Variants in LTBP4 observed in about 807,000 individuals in gnomAD.
LTBP4 encodes the protein latent-transforming growth factor beta-binding protein 4.
A neutral mutation model predicts 180.2 loss-of-function variants in LTBP4; 93 were observed. The ratio of observed to expected loss-of-function variants is 0.52; its 90% CI spans 0.44 to 0.61. LTBP4 has a LOEUF of 0.61. Among genes scored for constraint, LTBP4 ranks in the 20% least tolerant of loss-of-function variants. The pLI is 0.00. For missense variants in LTBP4, 2,116 were observed against 2,256.5 expected, an observed-to-expected ratio of 0.94 and a Z score of 1.26; for synonymous variants, 947 against 934.5, an observed-to-expected ratio of 1.01 and a Z score of -0.24.
At chr19:40,610,460 A>T in intron 11 of LTBP4, 72 bp from the exon 12 acceptor site, 1 of 1,514,456 alleles carries the variant, frequency 6.6e-7, no homozygotes, top group Non-Finnish European at 8.9e-7. Context: ...GCTTCCCTCT[A>T]CCCCTGCCTC....
Position 40,627,853 on chromosome 19 carries a change from C to T in LTBP4, c.4515C>T (p.Cys1505=). 6.4e-7 allele frequency: 1 copy of T among 1,564,072 alleles called. No individual in the cohort carries two copies. ...GCCTGGACATGACCCGCATGGCCTG[C>T]GTTGGTGAGGGCGGGCCCGGGGCCA... ...GYRLDMTRMA[C]VDINECDEAE... The change falls in exon 29 of 30, where the codon TGC becomes TGT. Residue 1505 remains cysteine (C), a synonymous_variant. Transcript: ENST00000396819.
chr19:40,628,662 C>T (rs184689152), intron 29 of LTBP4, among the ~76,000 whole-genome samples: 374 of 152,140 alleles, frequency 2.5e-3, no homozygotes, highest in African/African-American at 6.3e-3. Flanking sequence ...CATAGAATTG[C>T]GAATATTATT....
At chr19:40,624,858 T>C (rs1405713451) in intron 26 of LTBP4, among the ~76,000 whole-genome samples, 1 of 152,018 alleles carries the variant, frequency 6.6e-6, no homozygotes, top group Admixed American at 6.6e-5. Context: ...TCTTTGGGGT[T>C]TTCTCTGAAT....
chr19:40,602,876 C>A (rs1223436865), intron 1 of LTBP4, among the ~76,000 whole-genome samples: 1 of 152,166 alleles, frequency 6.6e-6, no homozygotes, highest in Non-Finnish European at 1.5e-5. Context: ...CTGGGAAATA[C>A]CCTCAGACCT....
Position 40,629,674 on chromosome 19 carries a change from A to T in LTBP4, c.*124A>T. The T allele has an allele frequency of 1.9e-6, 2 of 1,051,822 alleles. No homozygotes were observed. Among genetic ancestry groups the T allele is most frequent in the Non-Finnish European group, 2.5e-6 (2 of 810,678 alleles). 65.2% of individuals were successfully genotyped at this position (1,051,822 alleles called of 1,614,324 possible). A position where few individuals can be genotyped will look rare whatever the true frequency, so the allele number is the denominator to read the frequency against. ...CTGGACCTGGAGAAGGGACCTACGG[A>T]CGCCTGGAAGCTGCGACGCCCTGCA... On this transcript the variant is annotated 3_prime_UTR_variant, in exon 30 of 30. Coordinates refer to ENST00000396819, the MANE Select transcript of LTBP4 (RefSeq NM_001042545.2). This position sits in a 1 kb window ranked among gnomAD's most constrained non-coding sequence, Gnocchi z 4.5.
chr19:40,607,356 T>C lies in LTBP4; in HGVS notation c.992-9T>C, dbSNP rs1224034774. 6.4e-7 allele frequency: 1 copy of C among 1,558,656 alleles called. No individual in the cohort carries two copies. The highest frequency in any genetic ancestry group is 8.7e-7 in the Non-Finnish European group (1 of 1,145,930). On this transcript the variant is annotated splice_polypyrimidine_tract_variant and intron_variant, in intron 6 of 29. Transcript: ENST00000396819. ...CCGCCCTGAAGGATTTCCTCCCTGC[T>C]CCTCGCAGCCCAACACGTGATCTCA...
chr19:40,613,502 C>A lies in LTBP4; in HGVS notation c.2530C>A (p.Pro844Thr). Reference protein sequence around the residue: ...FACTCAPGYRPGPRGASCLDV... With the variant: ...FACTCAPGYRTGPRGASCLDV... ...CTGTACTTGTGCCCCTGGCTACCGA[C>A]CCGGACCCCGCGGAGCCTCTTGCCT... Residue 844 changes from proline (P) to threonine (T), a missense_variant, in exon 17 of 30, where the codon CCC becomes ACC. Physicochemically the swap from Pro to Thr is conservative, Grantham distance 38 (BLOSUM62 -1). Transcript: ENST00000396819. This position sits in a 1 kb window ranked among gnomAD's most constrained non-coding sequence, Gnocchi z 5.0. The A allele has an allele frequency of 6.3e-7, 1 of 1,577,592 alleles. No homozygotes were observed. Among genetic ancestry groups the A allele is most frequent in the Non-Finnish European group, 8.6e-7 (1 of 1,162,574 alleles).
intron 21 of LTBP4, among the ~76,000 whole-genome samples, chr19:40,618,379 C>G (rs2081564934): frequency 6.6e-6 from 1 of 151,986 alleles, no homozygotes; most frequent in Admixed American, 6.6e-5. Flanking sequence ...CCTGCCTCAG[C>G]CTCCCAAGTA....
chr19:40,625,900 C>T lies in LTBP4; in HGVS notation c.3876C>T (p.Leu1292=), dbSNP rs200333135. Residue 1292 remains leucine, a synonymous_variant, in exon 27 of 30, where the codon CTC becomes CTT. Coordinates refer to ENST00000396819, the MANE Select transcript of LTBP4 (RefSeq NM_001042545.2). ...GVCWQEVGAD[L]VCSHPRLDRQ... ...GCTGGCAGGAAGTGGGGGCTGACCT[C>T]GTGTGCAGCCACCCTCGGCTGGACC... 71 of 1,600,140 alleles carry T rather than the reference C, an allele frequency of 4.4e-5. No homozygotes were observed. The highest frequency in any genetic ancestry group is 1.6e-4 in the Middle Eastern group (1 of 6,066).
In LTBP4 at chr19:40,611,281, G is replaced by A. The variant is rs2081504101; in HGVS notation, c.1940G>A (p.Cys647Tyr). The A allele has an allele frequency of 1.9e-6, 3 of 1,612,090 alleles. No homozygotes were observed. In the Admixed American group the frequency reaches 5.0e-5, roughly 27 times the overall value. The change falls in exon 13 of 30, where the codon TGT becomes TAT. Residue 647 changes from cysteine (C) to tyrosine (Y), a missense_variant. Around this residue, in one of 5 missense-constraint regions of LTBP4, gnomAD observed 877 missense variants for 873.6 expected, o/e 1.00. Transcript: ENST00000396819. The surrounding 1 kb of genome is among the most constrained non-coding windows in gnomAD (Gnocchi z 4.4). ...GCGTGTGAAGAGGATGTGGATGAGT[G>A]TGCCCAGGAGCCGCCGCCCTGTGGG... Reference protein sequence around the residue: ...GSACEEDVDECAQEPPPCGPG... With the variant: ...GSACEEDVDEYAQEPPPCGPG...
intron 20 of LTBP4, 25 bp from the exon 21 acceptor site, chr19:40,617,075 T>C (rs1262994646): frequency 6.2e-7 from 1 of 1,613,720 alleles, no homozygotes; most frequent in Non-Finnish European, 8.5e-7. Flanking sequence ...GGTCCAGAAA[T>C]GGCCTGACTG....
Position 40,629,759 on chromosome 19 carries a change from GCC to G in LTBP4, c.*212_*213del. 2.5e-6 allele frequency: 1 copy of G among 404,384 alleles called. No homozygotes were observed. The highest frequency in any genetic ancestry group is 4.1e-6 in the Non-Finnish European group (1 of 242,204). The allele number at this position is 404,384 out of a possible 1,614,324, so 25.0% of individuals were successfully genotyped here. On this transcript the variant is annotated 3_prime_UTR_variant, in exon 30 of 30. Transcript: ENST00000396819. This position sits in a 1 kb window ranked among gnomAD's most constrained non-coding sequence, Gnocchi z 4.5. ...TCGTGGTCCCGGGCCTGGCCCAGGG[GCC>G]CCTTTACATGCCCTCTCCCTTTTAT...
intron 7 of LTBP4, among the ~76,000 whole-genome samples, chr19:40,608,006 C>T (rs967373007): frequency 1.3e-5 from 2 of 152,184 alleles, no homozygotes; most frequent in Admixed American, 6.5e-5. Context: ...CTGTTCCTAC[C>T]ACCATCCCAA....
In LTBP4 at chr19:40,608,210, C is replaced by T. The variant is rs2146024752; in HGVS notation, c.1157-10C>T. On this transcript the variant is annotated splice_polypyrimidine_tract_variant and intron_variant, in intron 7 of 29. Coordinates refer to ENST00000396819, the MANE Select transcript of LTBP4 (RefSeq NM_001042545.2). ...CTTGTCCTCTCTCTGTCTCTCTTAC[C>T]TATTCCCAGAGGGTTTCCGGGAGAT... 1.2e-6 allele frequency: 2 copies of T among 1,613,856 alleles called. No homozygotes were observed. Among genetic ancestry groups the T allele is most frequent in the East Asian group, 4.5e-5 (2 of 44,884 alleles).
upstream of LTBP4, among the ~76,000 whole-genome samples, chr19:40,600,615 C>A (rs575417241): frequency 3.3e-5 from 5 of 152,298 alleles, no homozygotes; most frequent in South Asian, 1.0e-3. The surrounding 1 kb of genome is among the most constrained non-coding windows in gnomAD (Gnocchi z 4.4). Context: ...CAGCTCTTGA[C>A]CCCTAGTCTA....
At chr19:40,615,492 G>A (rs2081542437) in intron 19 of LTBP4, 1 of 152,248 alleles carries the variant, frequency 6.6e-6, no homozygotes, top group Non-Finnish European at 1.5e-5. Context: ...AGGAGCTGTG[G>A]CTCATGCCTG....
chr19:40,618,303 A>G (rs937667498), intron 21 of LTBP4, among the ~76,000 whole-genome samples: 3 of 148,968 alleles, frequency 2.0e-5, no homozygotes, highest in Non-Finnish European at 3.0e-5. Context: ...CTAGTTGTCC[A>G]GGCTGGAGTG....
chr19:40,599,229 C>A, upstream of LTBP4: 2 of 1,612,874 alleles, frequency 1.2e-6, no homozygotes, highest in Non-Finnish European at 1.7e-6. Context: ...CCGGGCCAGA[C>A]GTCTAGGAGG....
Position 40,622,997 on chromosome 19 carries a change from A to G in LTBP4, c.3532A>G (p.Ser1178Gly), listed in dbSNP as rs1832965551. The change falls in exon 24 of 30, where the codon AGT (serine) becomes GGT (glycine). Residue 1178 changes from serine to glycine, a missense_variant. By Grantham distance (56) the Ser-to-Gly change is moderately conservative. Transcript: ENST00000396819. The surrounding 1 kb of genome is among the most constrained non-coding windows in gnomAD (Gnocchi z 5.1). The stretch of plus-strand genomic sequence containing the variant: ...TCACGGCCGGGGCTACCTGGCGCCC[A>G]GTGGAGACCTGAGCCTCCGGAGAGG... The part of the protein sequence containing the change: ...CPHGRGYLAP[S>G]GDLSLRRDVD... The G allele has an allele frequency of 6.2e-7, 1 of 1,612,684 alleles. No homozygotes were observed. The highest frequency in any genetic ancestry group is 1.3e-5 in the African/African-American group (1 of 74,952).
Sources: allele counts gnomAD v4.1 joint callset (sites outside exome capture counted in the v4.1 genomes callset), GRCh38; gene constraint gnomAD v4.1.1; regional missense constraint gnomAD v4.1.1; non-coding constraint Gnocchi (gnomAD v3.1); transcripts MANE v1.5; gene names NCBI Gene and HGNC (gene_info 2026-07-23, HGNC 2026-07-21).